HDAC9: variants seen among roughly 807,000 people sequenced by gnomAD.
HDAC9 encodes the protein histone deacetylase 9.
Under a neutral mutation model 139.4 loss-of-function variants are expected in HDAC9, and 41 were observed. The ratio of observed to expected loss-of-function variants is 0.29; its 90% CI spans 0.23 to 0.38. The LOEUF (loss-of-function observed/expected upper bound fraction) is 0.38. Among genes scored for constraint, HDAC9 ranks in the 10% least tolerant of loss-of-function variants. HDAC9 has a pLI of 1.00. For synonymous variants in HDAC9, 517 were observed against 476.2 expected (o/e 1.09, Z -1.12); for missense variants, 1,147 against 1,297.0 (o/e 0.88, Z 1.78).
At position 18,577,906 on chromosome 7, in the gene HDAC9, G is replaced by C. The variant is rs3807916; in HGVS notation, c.23-7375G>C. Among the ~76,000 whole-genome samples the C allele has an allele frequency of 2.0e-5, 3 of 152,144 alleles. No individual in the cohort carries two copies. In the East Asian group the frequency reaches 5.8e-4, roughly 29 times the overall value. ...CCATAATACATAACATGGATAGAAA[G>C]AATGAGACTGAAAAAAAGGACTTGT... On this transcript the variant is annotated intron_variant, in intron 2 of 25. Transcript: ENST00000686413.
At chr7:18,328,983 TACTC>T (rs1800689206) in intron 1 of HDAC9, among the ~76,000 whole-genome samples, 2 of 151,946 alleles carry the variant, frequency 1.3e-5, no homozygotes, top group East Asian at 3.9e-4. Flanking sequence ...TCAGTCTCCT[TACTC>T]ATTATTGATC....
chr7:18,640,069 T>G (rs1785082353), intron 8 of HDAC9, among the ~76,000 whole-genome samples: 1 of 151,806 alleles, frequency 6.6e-6, no homozygotes, highest in Non-Finnish European at 1.5e-5. Context: ...AAACTGAAAA[T>G]TCTATATCCA....
intron 11 of HDAC9, among the ~76,000 whole-genome samples, chr7:18,649,942 G>C (rs1037532283): frequency 1.3e-5 from 2 of 152,150 alleles, no homozygotes; most frequent in African/African-American, 4.8e-5. Context: ...ATGCATTGCA[G>C]ACCCTTTCTG....
chr7:18,654,339 C>A (rs1278331284), intron 11 of HDAC9, among the ~76,000 whole-genome samples: 1 of 152,108 alleles, frequency 6.6e-6, no homozygotes, highest in Non-Finnish European at 1.5e-5. Context: ...AGGCACTGTG[C>A]ATCTTTTCAG....
chr7:18,729,274 A>T (rs1785826104), intron 13 of HDAC9, among the ~76,000 whole-genome samples: 1 of 151,750 alleles, frequency 6.6e-6, no homozygotes, highest in Non-Finnish European at 1.5e-5. Flanking sequence ...GACTGAAATA[A>T]TTTCCTTAAT....
At chr7:18,126,034 G>T (rs545165914) in intron 1 of HDAC9, among the ~76,000 whole-genome samples, 25 of 152,032 alleles carry the variant, frequency 1.6e-4, no homozygotes, top group African/African-American at 5.5e-4. Context: ...AAGAAATCTG[G>T]TTCCATTAAA....
intron 1 of HDAC9, among the ~76,000 whole-genome samples, chr7:18,326,450 T>C (rs2128642177): frequency 6.6e-6 from 1 of 152,206 alleles, no homozygotes; most frequent in African/African-American, 2.4e-5. Flanking sequence ...TATTTTATGC[T>C]ATTGGAGTAG....
At chr7:18,503,563 A>G (rs142268667) in intron 2 of HDAC9, among the ~76,000 whole-genome samples, 439 of 152,290 alleles carry the variant, frequency 2.9e-3, no homozygotes, top group African/African-American at 0.01. Flanking sequence ...TAACTTTTCC[A>G]TAGTAAAATA....
intron 2 of HDAC9, among the ~76,000 whole-genome samples, chr7:18,505,098 T>G (rs1714968703): frequency 6.6e-6 from 1 of 152,174 alleles, no homozygotes; most frequent in Admixed American, 6.5e-5. Context: ...TATCCAGGGC[T>G]GAGAGGAGCT....
At chr7:18,783,887 C>A (rs1791464614) in intron 16 of HDAC9, among the ~76,000 whole-genome samples, 1 of 151,862 alleles carries the variant, frequency 6.6e-6, no homozygotes, top group Non-Finnish European at 1.5e-5. Flanking sequence ...TAATAAATAC[C>A]ATGCTATCAT....
chr7:18,642,307 G>A (rs1188939675), intron 8 of HDAC9, among the ~76,000 whole-genome samples: 1 of 152,046 alleles, frequency 6.6e-6, no homozygotes, highest in Non-Finnish European at 1.5e-5. Flanking sequence ...CCTGCCATGA[G>A]CTTCAGAGCC....
At chr7:18,834,347 T>C (rs1796069168) in intron 19 of HDAC9, among the ~76,000 whole-genome samples, 1 of 151,906 alleles carries the variant, frequency 6.6e-6, no homozygotes, top group Non-Finnish European at 1.5e-5. Context: ...TTTTTTTTGG[T>C]CAGAAGATAT....
intron 7 of HDAC9, among the ~76,000 whole-genome samples, chr7:18,634,333 G>GTTT (rs569172281): frequency 2.1e-5 from 3 of 140,520 alleles, no homozygotes; most frequent in Non-Finnish European, 4.7e-5. Context: ...CCTTTCTTCA[G>GTTT]TTTTTTTTTT....
intron 9 of HDAC9, among the ~76,000 whole-genome samples, chr7:18,646,564 T>G (rs1434771291): frequency 1.3e-5 from 2 of 152,130 alleles, no homozygotes; most frequent in Non-Finnish European, 2.9e-5. Context: ...AGGAATCACT[T>G]CTAGATTAAA....
chr7:18,584,140 CTT>C (rs3084518), intron 2 of HDAC9, among the ~76,000 whole-genome samples: 21 of 107,706 alleles, frequency 1.9e-4, no homozygotes, highest in African/African-American at 5.3e-4. Flanking sequence ...AAGCAGCATT[CTT>C]TTTTTTTTTT....
intron 1 of HDAC9, among the ~76,000 whole-genome samples, chr7:18,156,466 C>A (rs958183063): frequency 6.6e-6 from 1 of 152,160 alleles, no homozygotes; most frequent in East Asian, 1.9e-4. Flanking sequence ...TCTAGTCCTT[C>A]AGAAATCTAT....
At position 18,709,929 on chromosome 7, in the gene HDAC9, G is replaced by T. The variant is rs549815166; in HGVS notation, c.1732-17651G>T. Among the ~76,000 whole-genome samples, 7 of 152,304 alleles carry T rather than the reference G, an allele frequency of 4.6e-5. No homozygotes were observed. In the South Asian group the frequency reaches 1.5e-3, roughly 32 times the overall value. ...CACTCAGGGGTGTCTTCTGAGAAAT[G>T]TCAGTGTATTAGTTTGTTCTCATGC... On this transcript the variant is annotated intron_variant, in intron 12 of 25. Transcript: ENST00000686413.
intron 1 of HDAC9, among the ~76,000 whole-genome samples, chr7:18,406,457 G>C (rs989224502): frequency 5.9e-5 from 9 of 151,410 alleles, no homozygotes; most frequent in African/African-American, 2.2e-4. Context: ...CAAGTGGTGC[G>C]ATCTCAGCTC....
intron 8 of HDAC9, among the ~76,000 whole-genome samples, chr7:18,641,688 A>G (rs1159971031): frequency 1.3e-5 from 2 of 152,096 alleles, no homozygotes; most frequent in East Asian, 3.9e-4. Flanking sequence ...GCTGGGCCAG[A>G]TTCAAAACTT....
Sources: allele counts gnomAD v4.1 joint callset (sites outside exome capture counted in the v4.1 genomes callset), GRCh38; gene constraint gnomAD v4.1.1; transcripts MANE v1.5; gene names NCBI Gene and HGNC (gene_info 2026-07-23, HGNC 2026-07-21).